The following RUVBL1 variants were observed in gnomAD, a reference collection of about 807,000 sequenced individuals.
RUVBL1 encodes the protein RuvB like AAA ATPase 1.
RUVBL1 carries 4 observed loss-of-function variants against 52.4 expected under a neutral mutation model. The ratio of observed to expected loss-of-function variants is 0.08; its 90% CI spans 0.04 to 0.17. RUVBL1 has a LOEUF of 0.17. Among genes scored for constraint, RUVBL1 ranks in the 10% least tolerant of loss-of-function variants. The pLI, the probability that RUVBL1 is intolerant of heterozygous loss-of-function variation, is 1.00. For synonymous variants in RUVBL1, 217 were observed against 214.4 expected (o/e 1.01, Z -0.10); for missense variants, 298 against 572.8 (o/e 0.52, Z 4.90).
At chr3:128,153,886 T>A in exon 1 of RUVBL1, 5 of 1,438,286 alleles carry the variant, frequency 3.5e-6, no homozygotes, top group Non-Finnish European at 4.5e-6. Context: ...GGGCCCCGTG[T>A]CCGAATTCGC....
intron 1 of RUVBL1, among the ~76,000 whole-genome samples, chr3:128,150,446 A>G (rs1419954216): frequency 1.3e-5 from 2 of 149,828 alleles, no homozygotes; most frequent in Non-Finnish European, 3.0e-5. Flanking sequence ...GTATACATAT[A>G]TGTATATATA....
At position 128,123,794 on chromosome 3, in the gene RUVBL1, T is replaced by G; in HGVS notation, c.-70A>C. On this transcript the variant is annotated 5_prime_UTR_variant, in exon 1 of 11. Transcript: ENST00000322623. ...TAGGACAGTGCGCCCGGCGCCTGAG[T>G]TACCATGCGGCCGTTACTAGGGCAA... is the stretch of plus-strand genomic sequence containing the variant. 6.7e-7 allele frequency: 1 copy of G among 1,503,426 alleles called. No individual in the cohort carries two copies. The highest frequency in any genetic ancestry group is 8.9e-7 in the Non-Finnish European group (1 of 1,117,916). 93.1% of individuals were successfully genotyped at this position (1,503,426 alleles called of 1,614,324 possible). A position where few individuals can be genotyped will look rare whatever the true frequency, so the allele number is the denominator to read the frequency against.
At chr3:128,098,661 G>C (rs1230304761) in intron 7 of RUVBL1, among the ~76,000 whole-genome samples, 1 of 152,214 alleles carries the variant, frequency 6.6e-6, no homozygotes, top group Non-Finnish European at 1.5e-5. Context: ...ATAGGGGCCA[G>C]AAACTGTGAC....
At chr3:128,097,674 A>C (rs1372522235) in intron 7 of RUVBL1, among the ~76,000 whole-genome samples, 176 bp from the exon 8 acceptor site, 1 of 152,198 alleles carries the variant, frequency 6.6e-6, no homozygotes, top group Non-Finnish European at 1.5e-5. Flanking sequence ...TCATCTGAAC[A>C]CAGTGATAAT....
chr3:128,152,988 ACCCCGCCCCCCCCGCCCCCCTTCG>A (rs1944269958), intron 1 of RUVBL1, among the ~76,000 whole-genome samples: 1 of 9,172 alleles, frequency 1.1e-4, no homozygotes, highest in Non-Finnish European at 1.7e-4. Flanking sequence ...CCCCCCGCCC[ACCCCGCCCCCCCCGCCCCCCTTCG>A]CCCCCCCATG....
At chr3:128,079,503 G>A (rs571029557), downstream of RUVBL1, among the ~76,000 whole-genome samples, 7 of 152,276 alleles carry the variant, frequency 4.6e-5, no homozygotes, top group African/African-American at 1.7e-4. Flanking sequence ...CACAGTCCCT[G>A]GTGCAATAAG....
At chr3:128,090,375 C>T (rs1490947296) in intron 8 of RUVBL1, among the ~76,000 whole-genome samples, 4 of 152,080 alleles carry the variant, frequency 2.6e-5, no homozygotes, top group South Asian at 2.1e-4. Context: ...AAAAATTAGC[C>T]GGGCGTGGTG....
At chr3:128,087,493 T>C (rs1045348728) in intron 9 of RUVBL1, among the ~76,000 whole-genome samples, 19 of 152,250 alleles carry the variant, frequency 1.2e-4, no homozygotes, top group African/African-American at 4.6e-4. Flanking sequence ...TGAGCTTCTG[T>C]TGACACTTGG....
rs749229536 is a variant in RUVBL1, at chr3:128,119,419, A to G, written c.142-5T>C. On this transcript the variant is annotated splice_polypyrimidine_tract_variant and splice_region_variant and intron_variant, in intron 1 of 10. Coordinates refer to ENST00000322623, the MANE Select transcript of RUVBL1 (RefSeq NM_003707.3). ...TTCTACTATGACGCCACATGCCTAC[A>G]CACCACAATGGAAAGAAATAATAAA... The G allele has an allele frequency of 6.2e-7, 1 of 1,606,262 alleles. No individual in the cohort carries two copies. Among genetic ancestry groups the G allele is most frequent in the Non-Finnish European group, 8.5e-7 (1 of 1,174,620 alleles).
At chr3:128,118,861 T>C (rs369679038) in intron 2 of RUVBL1, among the ~76,000 whole-genome samples, 21 of 152,356 alleles carry the variant, frequency 1.4e-4, no homozygotes, top group African/African-American at 5.1e-4. Flanking sequence ...CTGGAGAGAC[T>C]GTAAGCCCCT....
intron 9 of RUVBL1, chr3:128,070,014 T>C (rs140673880): frequency 2.0e-4 from 35 of 177,780 alleles, no homozygotes; most frequent in African/African-American, 7.3e-4. Flanking sequence ...ACAAAGGGAA[T>C]TTCTCACTCT....
At chr3:128,120,676 A>C (rs138340181) in intron 1 of RUVBL1, among the ~76,000 whole-genome samples, 37 of 152,314 alleles carry the variant, frequency 2.4e-4, no homozygotes, top group Non-Finnish European at 4.4e-5. Flanking sequence ...AATACATCTT[A>C]TCTCTTCTAC....
intron 9 of RUVBL1, among the ~76,000 whole-genome samples, chr3:128,065,613 G>GTATT (rs1370898817): frequency 6.6e-6 from 1 of 152,030 alleles, no homozygotes; most frequent in African/African-American, 2.4e-5. Flanking sequence ...TTTGTGAAAG[G>GTATT]TATTTATACG....
At chr3:128,098,712 C>T (rs1022605634) in intron 7 of RUVBL1, among the ~76,000 whole-genome samples, 170 bp downstream of exon 7, 1 of 152,206 alleles carries the variant, frequency 6.6e-6, no homozygotes, top group African/African-American at 2.4e-5. Context: ...ATATGGCTGC[C>T]TAAATGCCGC....
intron 3 of RUVBL1, among the ~76,000 whole-genome samples, chr3:128,106,624 A>T (rs1943247926): frequency 6.6e-6 from 1 of 152,238 alleles, no homozygotes; most frequent in Non-Finnish European, 1.5e-5. Flanking sequence ...GCACATAGGC[A>T]GGTAGAGTGA....
intron 1 of RUVBL1, among the ~76,000 whole-genome samples, chr3:128,142,419 T>C (rs1944039072): frequency 1.3e-5 from 2 of 152,162 alleles, no homozygotes; most frequent in South Asian, 4.1e-4. Flanking sequence ...TCTGATGAGG[T>C]AGGGTGGAAT....
rs772997388 is a variant in RUVBL1, at chr3:128,101,612, G to C, written c.550C>G (p.Arg184Gly). The change falls in exon 5 of 11, where the codon CGA (arginine) becomes GGA (glycine). Residue 184 changes from arginine to glycine, a missense_variant. Physicochemically the swap from Arg to Gly is moderately radical, Grantham distance 125 (BLOSUM62 -2). Around this residue, in one of 5 missense-constraint regions of RUVBL1, gnomAD observed 58 missense variants for 83.2 expected, o/e 0.70. Coordinates refer to ENST00000322623, the MANE Select transcript of RUVBL1 (RefSeq NM_003707.3). Reference sequence around the variant, plus strand: ...TAAATCACATCTCCAGCTTCTACTCGCTCTTTCTGCAAACTTTCAAAAATG... The same window carrying C: ...TAAATCACATCTCCAGCTTCTACTCCCTCTTTCTGCAAACTTTCAAAAATG... Reference protein sequence around the residue: ...PSIFESLQKERVEAGDVIYIE... With the variant: ...PSIFESLQKEGVEAGDVIYIE... 6 of 1,613,724 alleles carry C rather than the reference G, an allele frequency of 3.7e-6. No individual in the cohort carries two copies. In the Admixed American group the frequency reaches 1.0e-4, roughly 27 times the overall value.
chr3:128,116,403 C>T (rs956189627), intron 2 of RUVBL1, among the ~76,000 whole-genome samples: 2 of 151,812 alleles, frequency 1.3e-5, no homozygotes, highest in African/African-American at 2.4e-5. Context: ...TAGCCAGGCA[C>T]CTGTAATCCC....
At chr3:128,136,744 A>G (rs1943953880) in intron 1 of RUVBL1, among the ~76,000 whole-genome samples, 1 of 152,214 alleles carries the variant, frequency 6.6e-6, no homozygotes, top group Non-Finnish European at 1.5e-5. Flanking sequence ...AAACCAAAAA[A>G]GAGCAGGAGT....
Sources: gnomAD v4.1 joint callset for allele counts (sites outside exome capture counted in the v4.1 genomes callset) on GRCh38, gnomAD v4.1.1 for gene constraint, gnomAD v4.1.1 regional missense constraint, MANE v1.5 for transcripts, NCBI Gene and HGNC (gene_info 2026-07-23, HGNC 2026-07-21) for gene names.